The following CDH4 variants were observed in gnomAD, a reference collection of about 807,000 sequenced individuals.
CDH4 encodes cadherin 4, also known as cadherin-4.
In CDH4, 33 loss-of-function variants were observed where a neutral mutation model predicts 86.0. That is an observed-to-expected ratio of 0.38 (90% CI 0.29 to 0.51). CDH4 has a LOEUF of 0.51. Among genes scored for constraint, CDH4 ranks in the 20% least tolerant of loss-of-function variants. The probability of loss-of-function intolerance (pLI) is 0.86; values close to 1 mark genes in which losing one functional copy is unlikely to be tolerated. For synonymous variants in CDH4, 555 were observed against 549.4 expected (o/e 1.01, Z -0.14); for missense variants, 1,114 against 1,307.4 (o/e 0.85, Z 2.28).
At chr20:61,773,236 C>T (rs760365624) in intron 4 of CDH4, 54 bp downstream of exon 4, 19 of 1,444,626 alleles carry the variant, frequency 1.3e-5, no homozygotes, top group East Asian at 2.5e-5. Context: ...GCAGTAGGCT[C>T]TTCTCCCGAC....
intron 2 of CDH4, among the ~76,000 whole-genome samples, chr20:61,439,236 T>TTCGG (rs2085301750): frequency 1.3e-5 from 2 of 152,068 alleles, no homozygotes; most frequent in Admixed American, 6.6e-5. Context: ...CGGTGTGCGT[T>TTCGG]TTGGTTGTGC....
At chr20:61,354,212 G>T (rs2123307413) in intron 2 of CDH4, among the ~76,000 whole-genome samples, 1 of 152,292 alleles carries the variant, frequency 6.6e-6, no homozygotes, top group African/African-American at 2.4e-5. Flanking sequence ...CAGCGCCGAG[G>T]TCGGGCCTGG....
At chr20:61,821,305 C>G (rs1981018614) in intron 4 of CDH4, among the ~76,000 whole-genome samples, 1 of 133,088 alleles carries the variant, frequency 7.5e-6, no homozygotes, top group South Asian at 2.8e-4. Context: ...CTGCTCCAGT[C>G]AGTCCCCTCT....
intron 2 of CDH4, among the ~76,000 whole-genome samples, chr20:61,429,086 G>A (rs559523406): frequency 6.6e-6 from 1 of 151,248 alleles, no homozygotes; most frequent in South Asian, 2.1e-4. Context: ...CATAAGTTAC[G>A]ATAGCTTACC....
chr20:61,894,859 T>TA (rs1460987351), intron 7 of CDH4, 51 bp from the exon 8 acceptor site: 1 of 1,577,308 alleles, frequency 6.3e-7, no homozygotes. Context: ...CCCTGTCAAT[T>TA]AAAACCCAAA....
chr20:61,576,313 C>T (rs1358317110), intron 2 of CDH4, among the ~76,000 whole-genome samples: 1 of 152,194 alleles, frequency 6.6e-6, no homozygotes, highest in East Asian at 1.9e-4. Flanking sequence ...CATGATGCTT[C>T]CCCAGCTGAT....
chr20:61,860,292 C>T (rs1031281818), intron 6 of CDH4, among the ~76,000 whole-genome samples: 4 of 152,226 alleles, frequency 2.6e-5, no homozygotes, highest in Admixed American at 2.0e-4. Flanking sequence ...CTCAGAGCAC[C>T]GAGGTCCACG....
At chr20:61,444,801 G>A (rs2085338459) in intron 2 of CDH4, among the ~76,000 whole-genome samples, 2 of 148,766 alleles carry the variant, frequency 1.3e-5, no homozygotes, top group Admixed American at 6.7e-5. Flanking sequence ...GTATCCGTAT[G>A]TATGTGTATC....
At chr20:61,456,737 G>C (rs142888492) in intron 2 of CDH4, among the ~76,000 whole-genome samples, 1 of 152,222 alleles carries the variant, frequency 6.6e-6, no homozygotes, top group East Asian at 1.9e-4. Flanking sequence ...GAGGAGCTCC[G>C]TGAGGAAGCT....
chr20:61,344,192 T>C (rs1367235174), intron 2 of CDH4, among the ~76,000 whole-genome samples: 1 of 152,082 alleles, frequency 6.6e-6, no homozygotes, highest in Non-Finnish European at 1.5e-5. Flanking sequence ...GAATGGTCCA[T>C]GGGGCCTGCG....
intron 2 of CDH4, among the ~76,000 whole-genome samples, chr20:61,630,899 G>A (rs535797751): frequency 2.6e-5 from 4 of 152,318 alleles, no homozygotes; most frequent in South Asian, 4.1e-4. Flanking sequence ...TTCTGTGCCC[G>A]TGGGAAGGTA....
intron 3 of CDH4, among the ~76,000 whole-genome samples, chr20:61,748,393 G>A (rs1313062679): frequency 6.6e-6 from 1 of 152,054 alleles, no homozygotes; most frequent in Non-Finnish European, 1.5e-5. Flanking sequence ...GGCCTCCCAA[G>A]GAATATCTTA....
chr20:61,700,820 G>C (rs145693417), intron 2 of CDH4, among the ~76,000 whole-genome samples: 1 of 152,214 alleles, frequency 6.6e-6, no homozygotes, highest in African/African-American at 2.4e-5. Context: ...CCGGCTCAGC[G>C]GGTGAGTGCC....
At chr20:61,500,066 G>A (rs73318399) in intron 2 of CDH4, among the ~76,000 whole-genome samples, 1,921 of 152,322 alleles carry the variant, frequency 0.013, 45 homozygotes, top group African/African-American at 0.043. Context: ...TGTGAGGGCT[G>A]TCACTTCCCT....
At chr20:61,891,763 G>T (rs1461821246) in intron 7 of CDH4, among the ~76,000 whole-genome samples, 1 of 152,184 alleles carries the variant, frequency 6.6e-6, no homozygotes, top group East Asian at 1.9e-4. Flanking sequence ...TGGCTGCCGT[G>T]TTCCCACCTC....
intron 2 of CDH4, among the ~76,000 whole-genome samples, chr20:61,587,101 C>T (rs2086482924): frequency 1.3e-5 from 2 of 152,172 alleles, no homozygotes; most frequent in South Asian, 4.1e-4. Context: ...CACTGCTTCT[C>T]AGCATCAGTA....
intron 4 of CDH4, among the ~76,000 whole-genome samples, chr20:61,815,996 G>A (rs1203561705): frequency 1.3e-5 from 2 of 152,210 alleles, no homozygotes; most frequent in African/African-American, 4.8e-5. Context: ...GCACCAAGGA[G>A]CTTAAAGTCG....
At chr20:61,376,891 G>C (rs573681062) in intron 2 of CDH4, among the ~76,000 whole-genome samples, 8 of 152,316 alleles carry the variant, frequency 5.3e-5, no homozygotes, top group Admixed American at 1.3e-4. Context: ...TGTGGCAAAT[G>C]CCCTGATCTG....
chr20:61,324,818 T>C (rs2084528132), intron 2 of CDH4, among the ~76,000 whole-genome samples: 1 of 152,170 alleles, frequency 6.6e-6, no homozygotes, highest in Non-Finnish European at 1.5e-5. Flanking sequence ...TGTGTGTCCA[T>C]CTGCACACCT....
Sources: allele counts gnomAD v4.1 joint callset (sites outside exome capture counted in the v4.1 genomes callset), GRCh38; gene constraint gnomAD v4.1.1; transcripts MANE v1.5; gene names NCBI Gene and HGNC (gene_info 2026-07-23, HGNC 2026-07-21).